The following C8A variants were observed in gnomAD, a reference collection of about 807,000 sequenced individuals.
C8A encodes complement component C8 alpha chain.
A neutral mutation model predicts 65.3 loss-of-function variants in C8A; 67 were observed. That is an observed-to-expected ratio of 1.03 (90% confidence interval 0.84 to 1.26). The LOEUF is 1.26. Among genes scored for constraint, C8A ranks in the 50% most tolerant of loss-of-function variants. The probability of loss-of-function intolerance (pLI) is 0.00; values close to 1 mark genes in which losing one functional copy is unlikely to be tolerated. For missense variants in C8A, 781 were observed against 723.9 expected (o/e 1.08, Z -0.90); for synonymous variants, 290 against 259.4 (o/e 1.12, Z -1.13).
intron 6 of C8A, 121 bp downstream of exon 6, chr1:56,883,802 A>T: frequency 1.2e-6 from 1 of 833,934 alleles, no homozygotes; most frequent in Non-Finnish European, 1.9e-6. Context: ...GTAATTGGAA[A>T]TGTCTGATCA....
In C8A at chr1:56,886,622, C is replaced by T. The variant is rs542378492; in HGVS notation, c.1096+455C>T. Among the ~76,000 whole-genome samples the T allele has an allele frequency of 3.3e-5, 5 of 152,236 alleles. No individual in the cohort carries two copies. The South Asian group carries it at 1.0e-3, about 32-fold the overall frequency. ...TTCAGTTCTCTCTCATTCTTCCACT[C>T]TCCTCCATCTCCACTCCTACTGAGG... On this transcript the variant is annotated intron_variant, in intron 7 of 10. Transcript: ENST00000361249.
chr1:56,855,445 G>A (rs1290230214), intron 1 of C8A, among the ~76,000 whole-genome samples: 1 of 152,130 alleles, frequency 6.6e-6, no homozygotes. Flanking sequence ...AGTTTTGGGG[G>A]AGGATAAAAT....
At chr1:56,915,363 G>C (rs901168905) in intron 10 of C8A, among the ~76,000 whole-genome samples, 5 of 152,152 alleles carry the variant, frequency 3.3e-5, no homozygotes, top group African/African-American at 1.2e-4. Context: ...CATCTTCCAT[G>C]GAACTGCAGA....
intron 10 of C8A, among the ~76,000 whole-genome samples, chr1:56,913,034 G>A (rs113152350): frequency 3.3e-5 from 5 of 152,280 alleles, no homozygotes; most frequent in South Asian, 2.1e-4. Flanking sequence ...GGGGGAGTAT[G>A]TGGTTCAAGT....
chr1:56,917,627 C>T lies in C8A; in HGVS notation c.1666C>T (p.Gln556Ter). Residue 556 changes from glutamine to a stop codon, truncating the protein, a stop_gained, in exon 11 of 11, where the codon CAG becomes TAG. Transcript: ENST00000361249. LOFTEE classifies it high-confidence loss of function. ...CTGGTCTGTATGCAGAGCAGGCATC[C>T]AGGAAAGGAGAAGAGAGTGTGACAA... ...SSWSVCRAGI[Q>*]ERRRECDNPA... is the part of the protein sequence containing the mutation. The T allele has an allele frequency of 6.2e-7, 1 of 1,614,174 alleles. No individual in the cohort carries two copies. The highest frequency in any genetic ancestry group is 1.1e-5 in the South Asian group (1 of 91,080).
chr1:56,859,511 C>T (rs1252767487), intron 1 of C8A, among the ~76,000 whole-genome samples: 1 of 152,192 alleles, frequency 6.6e-6, no homozygotes, highest in Non-Finnish European at 1.5e-5. Flanking sequence ...ATATGATTAG[C>T]ATTCTGTGGA....
intron 7 of C8A, among the ~76,000 whole-genome samples, chr1:56,893,709 T>C (rs1414737942): frequency 6.6e-6 from 1 of 152,168 alleles, no homozygotes; most frequent in Non-Finnish European, 1.5e-5. Flanking sequence ...ACCTGCAAGC[T>C]GGAAATACTG....
At chr1:56,912,111 G>C (rs764763023) in intron 9 of C8A, among the ~76,000 whole-genome samples, 9 of 152,130 alleles carry the variant, frequency 5.9e-5, no homozygotes, top group Non-Finnish European at 8.8e-5. Context: ...TGTGGGCTGG[G>C]ACTTTTAACT....
intron 6 of C8A, 57 bp downstream of exon 6, chr1:56,883,738 A>T: frequency 2.2e-6 from 3 of 1,390,240 alleles, no homozygotes; most frequent in Non-Finnish European, 3.0e-6. Context: ...CTGAACACGT[A>T]TTACCTTAAT....
intron 1 of C8A, among the ~76,000 whole-genome samples, chr1:56,867,285 G>C (rs1644099953): frequency 6.6e-6 from 1 of 152,118 alleles, no homozygotes. Flanking sequence ...TCTTACCCCA[G>C]ACTCCACATT....
At chr1:56,867,493 T>C (rs1422096517) in intron 1 of C8A, 116 bp from the exon 2 acceptor site, 3 of 746,380 alleles carry the variant, frequency 4.0e-6, no homozygotes, top group Non-Finnish European at 7.3e-6. Context: ...GTACAATAAA[T>C]GTTCATTCCT....
At position 56,881,650 on chromosome 1, in the gene C8A, G is replaced by A. The variant is rs11804514; in HGVS notation, c.654+16G>A. ...CCACTTTGAAGTAAGTCTGAACAGA[G>A]GGGCTCTGAGGCCACTGTGGTGTAG... On this transcript the variant is annotated intron_variant, in intron 5 of 10. Coordinates refer to ENST00000361249, the MANE Select transcript of C8A (RefSeq NM_000562.3). 1.9e-6 allele frequency: 3 copies of A among 1,610,326 alleles called. No individual in the cohort carries two copies. Among genetic ancestry groups the A allele is most frequent in the Non-Finnish European group, 2.5e-6 (3 of 1,178,142 alleles).
intron 7 of C8A, among the ~76,000 whole-genome samples, chr1:56,895,209 T>G (rs1644379526): frequency 6.6e-6 from 1 of 152,178 alleles, no homozygotes; most frequent in African/African-American, 2.4e-5. Context: ...ATTCTGATAC[T>G]ATATGTGAGA....
chr1:56,867,481 G>T lies in C8A; in HGVS notation c.78-128G>T, dbSNP rs1008263528. 1.5e-5 allele frequency: 11 copies of T among 720,732 alleles called. No individual in the cohort carries two copies. In the Admixed American group the frequency reaches 1.6e-4, roughly 11 times the overall value. 44.6% of individuals were successfully genotyped at this position (720,732 alleles called of 1,614,324 possible). A position where few individuals can be genotyped will look rare whatever the true frequency, so the allele number is the denominator to read the frequency against. ...CTGTTGGCATTTCTACATAAAGTAG[G>T]AGTACAATAAATGTTCATTCCTCAT... On this transcript the variant is annotated intron_variant, in intron 1 of 10. Transcript: ENST00000361249.
At position 56,916,118 on chromosome 1, in the gene C8A, G is replaced by A. The variant is rs375160626; in HGVS notation, c.1604-1447G>A. On this transcript the variant is annotated intron_variant, in intron 10 of 10. Transcript: ENST00000361249. ...CAGTGCCAGGCTCAGTGGCAGGCAG[G>A]CTGAGACACCTGCACACGTGGTGGG... is the stretch of plus-strand genomic sequence containing the variant. 5.9e-4 allele frequency among the ~76,000 whole-genome samples: 90 copies of A among 152,338 alleles called. 2 individuals are homozygous for A. In the South Asian group the frequency reaches 0.018, roughly 31 times the overall value.
chr1:56,908,530 A>G (rs1644484211), intron 9 of C8A, among the ~76,000 whole-genome samples: 1 of 152,248 alleles, frequency 6.6e-6, no homozygotes, highest in African/African-American at 2.4e-5. Context: ...TACACAAAGT[A>G]GTAGTATTAG....
chr1:56,917,068 A>G (rs1218188458), intron 10 of C8A, among the ~76,000 whole-genome samples: 1 of 152,180 alleles, frequency 6.6e-6, no homozygotes, highest in African/African-American at 2.4e-5. Context: ...CCAAGGGAGC[A>G]CACCTCCTGC....
chr1:56,893,849 A>G (rs1644367467), intron 7 of C8A, among the ~76,000 whole-genome samples: 1 of 152,146 alleles, frequency 6.6e-6, no homozygotes, highest in African/African-American at 2.4e-5. Flanking sequence ...TTCAAGTCCT[A>G]TCTCCACCCT....
intron 1 of C8A, among the ~76,000 whole-genome samples, chr1:56,865,672 A>G (rs1055812447): frequency 2.0e-5 from 3 of 152,162 alleles, no homozygotes; most frequent in African/African-American, 7.2e-5. Context: ...TTTGGCATGC[A>G]TTGTATAAAA....
Sources: allele counts gnomAD v4.1 joint callset (sites outside exome capture counted in the v4.1 genomes callset), GRCh38; gene constraint gnomAD v4.1.1; transcripts MANE v1.5; gene names NCBI Gene and HGNC (gene_info 2026-07-23, HGNC 2026-07-21).